The following SPHKAP variants were observed in gnomAD, a reference collection of about 807,000 sequenced individuals.
The protein encoded by SPHKAP is SPHK1 interactor, AKAP domain containing, also known as A-kinase anchor protein SPHKAP.
Under a neutral mutation model 137.5 loss-of-function variants are expected in SPHKAP, and 67 were observed. The ratio of observed to expected loss-of-function variants is 0.49; its 90% CI spans 0.40 to 0.60. SPHKAP has a LOEUF of 0.60. SPHKAP is among the 20% of genes least tolerant of loss of function. The pLI, the probability that SPHKAP is intolerant of heterozygous loss-of-function variation, is 0.00. For missense variants in SPHKAP, 2,097 were observed against 2,069.3 expected (o/e 1.01, Z -0.26); for synonymous variants, 813 against 785.3 (o/e 1.04, Z -0.59).
intron 1 of SPHKAP, among the ~76,000 whole-genome samples, chr2:228,158,498 A>G (rs1700178502): frequency 6.6e-6 from 1 of 152,030 alleles, no homozygotes. Flanking sequence ...AAAGTCTGAG[A>G]CACTGAATTC....
At chr2:228,061,853 A>G (rs1176045488) in intron 3 of SPHKAP, among the ~76,000 whole-genome samples, 1 of 152,166 alleles carries the variant, frequency 6.6e-6, no homozygotes, top group Non-Finnish European at 1.5e-5. Flanking sequence ...TTTTCATTTA[A>G]AGACTAAGAG....
At chr2:228,009,659 G>A (rs1444152916) in intron 7 of SPHKAP, among the ~76,000 whole-genome samples, 1 of 152,122 alleles carries the variant, frequency 6.6e-6, no homozygotes, top group African/African-American at 2.4e-5. Context: ...AGATTTTGTT[G>A]TCTTTTCTTT....
chr2:228,114,356 G>C (rs1186869244), intron 2 of SPHKAP, among the ~76,000 whole-genome samples: 1 of 152,032 alleles, frequency 6.6e-6, no homozygotes, highest in Non-Finnish European at 1.5e-5. Flanking sequence ...ATAGACTTTG[G>C]ACACAGCCCC....
chr2:228,061,567 C>A (rs1016193437), intron 3 of SPHKAP, among the ~76,000 whole-genome samples: 1 of 152,024 alleles, frequency 6.6e-6, no homozygotes, highest in Non-Finnish European at 1.5e-5. Context: ...CCACCGCGCC[C>A]GACCTAATTA....
intron 11 of SPHKAP, among the ~76,000 whole-genome samples, chr2:227,984,299 C>CAA (rs61461358): frequency 9.3e-4 from 49 of 52,752 alleles, no homozygotes; most frequent in African/African-American, 2.4e-3. Flanking sequence ...GACTCCATCT[C>CAA]AAAAAAAAAA....
In SPHKAP at chr2:228,181,663, G is replaced by A; in HGVS notation, c.-65C>T. ...GCGAAGGATAAGTCTGTGGTGCTAG[G>A]ACCCAGCTCCCAGAGTGCCAGACTG... On this transcript the variant is annotated 5_prime_UTR_variant, in exon 1 of 12. Transcript: ENST00000392056. The surrounding 1 kb of genome is among the most constrained non-coding windows in gnomAD (Gnocchi z 4.3). The A allele has an allele frequency of 6.2e-7, 1 of 1,614,010 alleles. No homozygotes were observed. Among genetic ancestry groups the A allele is most frequent in the East Asian group, 2.2e-5 (1 of 44,838 alleles).
At position 228,001,230 on chromosome 2, in the gene SPHKAP, C is replaced by CATATAT. The variant is rs35028587; in HGVS notation, c.4449-5542_4449-5537dup. Reference sequence around the variant, plus strand: ...TTTGATCATTTTTCTTTTATATAAACATATATATATATATATATACACACA... The same window carrying CATATAT: ...TTTGATCATTTTTCTTTTATATAAACATATATATATATATATATATATATACACACA... On this transcript the variant is annotated intron_variant, in intron 7 of 11. Transcript: ENST00000392056. 7.9e-5 allele frequency among the ~76,000 whole-genome samples: 11 copies of CATATAT among 138,426 alleles called. No individual in the cohort carries two copies. The East Asian group carries it at 8.1e-4, about 10-fold the overall frequency. 90.8% of individuals were successfully genotyped at this position (138,426 alleles called of 152,430 possible).
intron 7 of SPHKAP, among the ~76,000 whole-genome samples, chr2:227,996,509 T>A (rs185797701): frequency 4.1e-4 from 63 of 152,332 alleles, no homozygotes; most frequent in African/African-American, 1.4e-3. Flanking sequence ...CCTGTCCTCC[T>A]TTCCACAGTC....
chr2:228,083,192 T>G (rs989176389), intron 3 of SPHKAP, among the ~76,000 whole-genome samples: 9 of 152,228 alleles, frequency 5.9e-5, no homozygotes, highest in Non-Finnish European at 1.2e-4. Flanking sequence ...TGGGGTATAT[T>G]ACCTCCTTTC....
At chr2:228,050,737 T>TTCTA (rs931134557) in intron 3 of SPHKAP, among the ~76,000 whole-genome samples, 2 of 152,218 alleles carry the variant, frequency 1.3e-5, no homozygotes, top group Non-Finnish European at 2.9e-5. Context: ...GTCTTATTTC[T>TTCTA]TCTATCTAAG....
intron 1 of SPHKAP, among the ~76,000 whole-genome samples, chr2:228,155,235 T>G (rs999468906): frequency 2.4e-4 from 36 of 152,196 alleles, no homozygotes; most frequent in South Asian, 8.3e-4. Flanking sequence ...TTTTTTTTTT[T>G]GGGTGAGACA....
chr2:228,084,381 C>T (rs1697473024), intron 3 of SPHKAP, among the ~76,000 whole-genome samples: 1 of 152,142 alleles, frequency 6.6e-6, no homozygotes, highest in African/African-American at 2.4e-5. Flanking sequence ...CTGAAAATCG[C>T]TAAGTCTAAA....
intron 1 of SPHKAP, among the ~76,000 whole-genome samples, chr2:228,150,585 G>A (rs4422150): frequency 0.34 from 51,733 of 151,468 alleles, 9,055 homozygotes; most frequent in East Asian, 0.5. Context: ...TTATATTATT[G>A]ATAATACTTT....
intron 3 of SPHKAP, among the ~76,000 whole-genome samples, chr2:228,084,978 A>C (rs1433390788): frequency 2.0e-5 from 3 of 152,190 alleles, no homozygotes; most frequent in Non-Finnish European, 4.4e-5. Flanking sequence ...TTCACCTCTT[A>C]GGTAATTCAA....
chr2:228,019,557 A>G lies in SPHKAP; in HGVS notation c.1297T>C (p.Tyr433His). 1 of 1,614,226 alleles carries G rather than the reference A, an allele frequency of 6.2e-7. No individual in the cohort carries two copies. Among genetic ancestry groups the G allele is most frequent in the Non-Finnish European group, 8.5e-7 (1 of 1,180,014 alleles). ...SVGSSLLPSC[Y>H]STKDTVVSRS... ...GAAACCACTGTATCTTTTGTGGAAT[A>G]GCAACTGGGAAGCAGAGAACTTCCT... Residue 433 changes from tyrosine (Y) to histidine (H), a missense_variant, in exon 7 of 12, where the codon TAT becomes CAT. Tyr to His is a moderately conservative substitution (Grantham distance 83). Transcript: ENST00000392056.
chr2:228,001,877 T>A (rs1693920649), intron 7 of SPHKAP, among the ~76,000 whole-genome samples: 1 of 152,176 alleles, frequency 6.6e-6, no homozygotes, highest in Non-Finnish European at 1.5e-5. Context: ...GCTTCATCCA[T>A]GTCCCTACAA....
At position 228,017,094 on chromosome 2, in the gene SPHKAP, G is replaced by A; in HGVS notation, c.3760C>T (p.Pro1254Ser). 3.1e-6 allele frequency: 5 copies of A among 1,614,100 alleles called. No homozygotes were observed. Among genetic ancestry groups the A allele is most frequent in the Non-Finnish European group, 4.2e-6 (5 of 1,180,024 alleles). Residue 1254 changes from proline to serine, a missense_variant, in exon 7 of 12, where the codon CCC (proline) becomes TCC (serine). Physicochemically the swap from Pro to Ser is moderately conservative, Grantham distance 74. Transcript: ENST00000392056. ...SPCSRLTVNV[P>S]IKANSLDGFA... ...CCATCTAAAGAGTTGGCTTTGATGG[G>A]CACATTCACTGTCAGCCTGGAGCAT...
intron 2 of SPHKAP, among the ~76,000 whole-genome samples, chr2:228,112,093 T>C (rs1698536322): frequency 1.3e-5 from 2 of 152,150 alleles, no homozygotes; most frequent in South Asian, 2.1e-4. Context: ...TACACCTACT[T>C]GAGTTATCTT....
At chr2:228,034,731 C>T (rs1489783172) in intron 3 of SPHKAP, among the ~76,000 whole-genome samples, 1 of 152,164 alleles carries the variant, frequency 6.6e-6, no homozygotes, top group African/African-American at 2.4e-5. Flanking sequence ...TCAACATATG[C>T]AAATCAATGA....
Sources: gnomAD v4.1 joint callset for allele counts (sites outside exome capture counted in the v4.1 genomes callset) on GRCh38, gnomAD v4.1.1 for gene constraint, Gnocchi (gnomAD v3.1) non-coding constraint, MANE v1.5 for transcripts, NCBI Gene and HGNC (gene_info 2026-07-23, HGNC 2026-07-21) for gene names.